The following WDHD1 variants were observed in gnomAD, a reference collection of about 807,000 sequenced individuals.
WDHD1 encodes the protein WD repeat and HMG-box DNA binding protein 1.
WDHD1 carries 111 observed loss-of-function variants against 135.4 expected under a neutral mutation model. The observed-to-expected ratio is 0.82, with a 90% confidence interval of 0.70 to 0.96. The LOEUF (loss-of-function observed/expected upper bound fraction) is 0.96, where lower values mean the gene tolerates loss of function less well. Ranked by LOEUF, WDHD1 falls within the 40% of genes least tolerant of loss-of-function variation. The pLI is 0.00. For missense variants in WDHD1, 1,351 were observed against 1,336.3 expected (o/e 1.01, Z -0.17); for synonymous variants, 434 against 439.0 (o/e 0.99, Z 0.14).
intron 16 of WDHD1, among the ~76,000 whole-genome samples, chr14:54,968,943 G>C (rs1157878362): frequency 6.6e-6 from 1 of 152,206 alleles, no homozygotes; most frequent in Non-Finnish European, 1.5e-5. Context: ...TCAGAAGACT[G>C]AGATGGGAAG....
chr14:54,964,184 T>C (rs188799159), intron 18 of WDHD1, among the ~76,000 whole-genome samples: 5 of 152,314 alleles, frequency 3.3e-5, no homozygotes, highest in African/African-American at 7.2e-5. Flanking sequence ...TCCTAATTCA[T>C]AGTGTATTAG....
intron 24 of WDHD1, among the ~76,000 whole-genome samples, chr14:54,947,170 T>C (rs1235748196): frequency 6.6e-6 from 1 of 151,750 alleles, no homozygotes; most frequent in African/African-American, 2.4e-5. Flanking sequence ...AGAAACCTCA[T>C]CTCTACTAAA....
rs1346836615 is a variant in WDHD1 at position 55,002,126 on chromosome 14, A to G, written c.660T>C (p.His220=). Residue 220 remains histidine (H), a synonymous_variant, in exon 8 of 26, where the codon CAT becomes CAC. Transcript: ENST00000360586. The stretch of plus-strand genomic sequence containing the variant: ...TGAAATTATCTGAAAGATCAAATTG[A>G]TGACTCCAAGATTCTCTTCTATATA... ...VKLYRRESWS[H]QFDLSDNFIS... The G allele has an allele frequency of 4.4e-6, 7 of 1,607,514 alleles. No individual in the cohort carries two copies. Among genetic ancestry groups the G allele is most frequent in the Non-Finnish European group, 5.1e-6 (6 of 1,178,182 alleles).
In WDHD1 at chr14:55,007,381, T is replaced by G; in HGVS notation, c.505-6A>C. ...GGCCAACTAATAGCACATGTCTAAT[T>G]GGTAAAAAAAGAAAATTTCTTTCCT... is the stretch of plus-strand genomic sequence containing the variant. On this transcript the variant is annotated splice_polypyrimidine_tract_variant and splice_region_variant and intron_variant, in intron 6 of 25. Coordinates refer to ENST00000360586, the MANE Select transcript of WDHD1 (RefSeq NM_007086.4). 1 of 1,571,904 alleles carries G rather than the reference T, an allele frequency of 6.4e-7. No homozygotes were observed. Among genetic ancestry groups the G allele is most frequent in the Non-Finnish European group, 8.6e-7 (1 of 1,163,066 alleles).
intron 12 of WDHD1, among the ~76,000 whole-genome samples, chr14:54,989,751 C>T (rs2041754733): frequency 6.6e-6 from 1 of 151,994 alleles, no homozygotes; most frequent in Non-Finnish European, 1.5e-5. Flanking sequence ...CCTCTGCCTC[C>T]TGGATTCAAG....
chr14:55,005,512 G>T, intron 7 of WDHD1: 1 of 568,944 alleles, frequency 1.8e-6, no homozygotes, highest in Non-Finnish European at 3.4e-6. Context: ...AAGCTCCCAG[G>T]AGAAGCTTCT....
chr14:55,018,461 T>C (rs1026207625), intron 2 of WDHD1, among the ~76,000 whole-genome samples: 4 of 152,192 alleles, frequency 2.6e-5, no homozygotes, highest in Non-Finnish European at 5.9e-5. Flanking sequence ...CTATTTTTAA[T>C]TGTATTAATT....
chr14:54,969,477 A>G (rs1443654774), intron 16 of WDHD1, among the ~76,000 whole-genome samples: 1 of 152,212 alleles, frequency 6.6e-6, no homozygotes, highest in African/African-American at 2.4e-5. Flanking sequence ...GGAAATGGAT[A>G]AATTCCTGGA....
At chr14:54,944,616 C>CT (rs780376690) in intron 24 of WDHD1, 146 bp from the exon 25 acceptor site, 20,160 of 268,534 alleles carry the variant, frequency 0.075, 219 homozygotes, top group South Asian at 0.099. Context: ...ATTCATGTTA[C>CT]TTTTTTTTTT....
chr14:55,003,448 G>C (rs546847550), intron 7 of WDHD1, among the ~76,000 whole-genome samples: 1 of 152,020 alleles, frequency 6.6e-6, no homozygotes, highest in Non-Finnish European at 1.5e-5. Flanking sequence ...CCGGGAGGCA[G>C]AGGTTGCAGT....
chr14:54,963,831 G>T (rs1191908210), intron 18 of WDHD1, among the ~76,000 whole-genome samples: 3 of 151,170 alleles, frequency 2.0e-5, no homozygotes, highest in Non-Finnish European at 2.9e-5. Context: ...AATCAAGGGG[G>T]CCAGGTGTGC....
chr14:54,991,155 T>G (rs1345683444), intron 12 of WDHD1, 58 bp downstream of exon 12: 1 of 926,670 alleles, frequency 1.1e-6, no homozygotes, highest in East Asian at 2.4e-5. Flanking sequence ...AAATTAACTA[T>G]AGTAAGAAAA....
At chr14:55,018,009 C>T (rs1280792192) in intron 2 of WDHD1, among the ~76,000 whole-genome samples, 2 of 152,040 alleles carry the variant, frequency 1.3e-5, no homozygotes, top group African/African-American at 4.8e-5. Flanking sequence ...ACCTCAGCAG[C>T]GCACAAACCG....
chr14:55,003,617 G>T (rs758994107), intron 7 of WDHD1, among the ~76,000 whole-genome samples: 8 of 140,888 alleles, frequency 5.7e-5, no homozygotes, highest in Non-Finnish European at 8.8e-5. Context: ...AGGCTGGAGA[G>T]AAGTAGTGCC....
At chr14:54,957,668 G>A in intron 21 of WDHD1, 33 bp from the exon 22 acceptor site, 1 of 1,572,770 alleles carries the variant, frequency 6.4e-7, no homozygotes, top group East Asian at 2.2e-5. Context: ...GCTTAATAAT[G>A]GTAGAAAATA....
intron 16 of WDHD1, among the ~76,000 whole-genome samples, chr14:54,969,324 C>A (rs1438652806): frequency 7.1e-6 from 1 of 140,174 alleles, no homozygotes; most frequent in African/African-American, 2.7e-5. Context: ...CCGCGCCCAG[C>A]ATTAAGACTC....
intron 13 of WDHD1, among the ~76,000 whole-genome samples, chr14:54,988,806 T>C (rs1235617126): frequency 6.6e-6 from 1 of 151,882 alleles, no homozygotes; most frequent in Non-Finnish European, 1.5e-5. Flanking sequence ...CTATGCCATG[T>C]CATTTTGCTA....
chr14:54,953,123 A>T (rs189163969), intron 24 of WDHD1, among the ~76,000 whole-genome samples: 121 of 152,320 alleles, frequency 7.9e-4, no homozygotes, highest in African/African-American at 2.7e-3. Context: ...AAATTGACAG[A>T]TGGGATCTAA....
chr14:54,984,604 TA>T, intron 15 of WDHD1, 118 bp downstream of exon 15: 1 of 895,548 alleles, frequency 1.1e-6, no homozygotes, highest in Non-Finnish European at 1.5e-6. Context: ...ATTTAAAATA[TA>T]AAATAGAGAT....
Sources: gnomAD v4.1 joint callset for allele counts (sites outside exome capture counted in the v4.1 genomes callset) on GRCh38, gnomAD v4.1.1 for gene constraint, MANE v1.5 for transcripts, NCBI Gene and HGNC (gene_info 2026-07-23, HGNC 2026-07-21) for gene names.